DPYD: variants seen among roughly 807,000 people sequenced by gnomAD.
DPYD encodes the protein dihydropyrimidine dehydrogenase, also known as dihydropyrimidine dehydrogenase [NADP(+)].
In DPYD, 109 loss-of-function variants were observed where a neutral mutation model predicts 116.2. The observed-to-expected ratio is 0.94, with a 90% confidence interval of 0.80 to 1.10. The LOEUF is 1.10. Ranked by LOEUF, DPYD falls within the 50% of genes least tolerant of loss-of-function variation. The pLI, the probability that DPYD is intolerant of heterozygous loss-of-function variation, is 0.00. For synonymous variants in DPYD, 440 were observed against 432.0 expected (o/e 1.02, Z -0.23); for missense variants, 1,302 against 1,254.5 (o/e 1.04, Z -0.57).
chr1:97,592,187 GTA>G (rs907900064), intron 10 of DPYD, among the ~76,000 whole-genome samples: 1 of 152,158 alleles, frequency 6.6e-6, no homozygotes, highest in Admixed American at 6.6e-5. Flanking sequence ...ATTTAAATGA[GTA>G]ATTTATCTTT....
chr1:97,884,172 T>A (rs1571527667), intron 1 of DPYD, among the ~76,000 whole-genome samples: 1 of 152,038 alleles, frequency 6.6e-6, no homozygotes, highest in South Asian at 2.1e-4. Context: ...GAGTAATTGT[T>A]ATTGTATTTT....
intron 3 of DPYD, among the ~76,000 whole-genome samples, chr1:97,811,219 A>C (rs1668335122): frequency 1.3e-5 from 2 of 152,116 alleles, no homozygotes; most frequent in South Asian, 4.1e-4. Context: ...GAATTATCTT[A>C]GTTACAATTT....
chr1:97,601,245 C>A (rs941434677), intron 8 of DPYD, among the ~76,000 whole-genome samples: 1 of 151,916 alleles, frequency 6.6e-6, no homozygotes. Context: ...TAGAAAAGTG[C>A]ACATAAAGCA....
rs552742450 is a variant in DPYD, at chr1:97,213,270, T to C, written c.2443-20022A>G. Among the ~76,000 whole-genome samples the C allele has an allele frequency of 7.2e-4, 110 of 152,300 alleles. 1 individual carries two copies. Among genetic ancestry groups the C allele is most frequent in the South Asian group, 3.7e-3 (18 of 4,824 alleles). Reference sequence around the variant, plus strand: ...AACAATAACTATCTCACAGGATTACTGGAGGTATAAATAAATTATTACAAC... The same window carrying C: ...AACAATAACTATCTCACAGGATTACCGGAGGTATAAATAAATTATTACAAC... On this transcript the variant is annotated intron_variant, in intron 19 of 22. Coordinates refer to ENST00000370192, the MANE Select transcript of DPYD (RefSeq NM_000110.4).
intron 3 of DPYD, among the ~76,000 whole-genome samples, chr1:97,800,478 C>T (rs1667794091): frequency 6.6e-6 from 1 of 151,832 alleles, no homozygotes. Context: ...GCTCTCAACA[C>T]TGCACAGCAA....
rs188522107 is a variant in DPYD, at chr1:97,195,613, T to C, written c.2443-2365A>G. 3.0e-4 allele frequency among the ~76,000 whole-genome samples: 36 copies of C among 120,104 alleles called. 4 individuals carry two copies. The highest frequency in any genetic ancestry group is 1.1e-3 in the African/African-American group (35 of 31,814). The allele number at this position is 120,104 out of a possible 152,430, so 78.8% of individuals were successfully genotyped here. A position where few individuals can be genotyped will look rare whatever the true frequency, so the allele number is the denominator to read the frequency against. On this transcript the variant is annotated intron_variant, in intron 19 of 22. Coordinates refer to ENST00000370192, the MANE Select transcript of DPYD (RefSeq NM_000110.4). The stretch of plus-strand genomic sequence containing the variant: ...ATATATATGTGTGTGTGTGTATATA[T>C]ATGTATGTGTATATGTATGTGTATA...
chr1:97,913,230 A>C (rs9662870), intron 1 of DPYD, among the ~76,000 whole-genome samples: 109,021 of 152,014 alleles, frequency 0.72, 39,702 homozygotes, highest in East Asian at 0.93. Context: ...AGACATTAAA[A>C]AAGTTTAAAA....
chr1:97,886,450 C>T (rs1439236805), intron 1 of DPYD, among the ~76,000 whole-genome samples: 3 of 152,092 alleles, frequency 2.0e-5, no homozygotes, highest in African/African-American at 7.2e-5. Flanking sequence ...ATGCCAATAA[C>T]ACCAGGGCCC....
Position 97,204,767 on chromosome 1 carries a change from G to A in DPYD, c.2443-11519C>T, listed in dbSNP as rs183314964. Among the ~76,000 whole-genome samples, 527 of 152,094 alleles carry A rather than the reference G, an allele frequency of 3.5e-3. 3 individuals carry two copies. The highest frequency in any genetic ancestry group is 0.012 in the African/African-American group (486 of 41,514). ...TGTGGAATGCATTCCAAAATGCTCCGTCACTTTTGGTTTAGTTTAACATTC... is the reference window on the plus strand; with the variant it reads ...TGTGGAATGCATTCCAAAATGCTCCATCACTTTTGGTTTAGTTTAACATTC... On this transcript the variant is annotated intron_variant, in intron 19 of 22. Coordinates refer to ENST00000370192, the MANE Select transcript of DPYD (RefSeq NM_000110.4).
At chr1:97,827,948 G>A (rs1669319705) in intron 3 of DPYD, among the ~76,000 whole-genome samples, 166 bp downstream of exon 3, 1 of 152,110 alleles carries the variant, frequency 6.6e-6, no homozygotes, top group African/African-American at 2.4e-5. Context: ...CATTTATGCA[G>A]CTTCAAAACC....
intron 8 of DPYD, among the ~76,000 whole-genome samples, chr1:97,621,008 C>T (rs1010667638): frequency 6.6e-6 from 1 of 152,018 alleles, no homozygotes; most frequent in Admixed American, 6.6e-5. Context: ...CTGTACAAGC[C>T]TGTCTAATTT....
At chr1:97,300,574 C>A (rs577469403) in intron 18 of DPYD, among the ~76,000 whole-genome samples, 1 of 151,996 alleles carries the variant, frequency 6.6e-6, no homozygotes, top group Non-Finnish European at 1.5e-5. Context: ...TGCTGGCATG[C>A]GTGAAAATAG....
At chr1:97,368,432 G>A (rs1261069175) in intron 16 of DPYD, among the ~76,000 whole-genome samples, 1 of 152,134 alleles carries the variant, frequency 6.6e-6, no homozygotes, top group Non-Finnish European at 1.5e-5. Flanking sequence ...AGCAGCTTTA[G>A]GTTTTCTGAT....
rs185247377 is a variant in DPYD, at chr1:97,359,991, C to A, written c.2058+13570G>T. ...CTTAAATGTAAATGGGCTAAATGTT[C>A]CAATTAAAAGACATGGACTGGCAAA... On this transcript the variant is annotated intron_variant, in intron 16 of 22. Transcript: ENST00000370192. 1.1e-4 allele frequency among the ~76,000 whole-genome samples: 17 copies of A among 152,200 alleles called. No individual in the cohort carries two copies. The East Asian group carries it at 3.1e-3, about 28-fold the overall frequency.
chr1:97,867,179 A>G (rs148358115), intron 2 of DPYD, among the ~76,000 whole-genome samples: 43 of 151,920 alleles, frequency 2.8e-4, no homozygotes, highest in Admixed American at 7.9e-4. Context: ...AAACATAAAC[A>G]CAATAAATTT....
At chr1:97,796,345 C>CAG (rs1314626996) in intron 3 of DPYD, among the ~76,000 whole-genome samples, 51 of 152,212 alleles carry the variant, frequency 3.4e-4, no homozygotes, top group Middle Eastern at 3.4e-3. Context: ...TCACATTAAA[C>CAG]TGATCCTTCT....
intron 16 of DPYD, among the ~76,000 whole-genome samples, chr1:97,334,567 C>T (rs542137406): frequency 5.3e-5 from 8 of 152,106 alleles, no homozygotes; most frequent in Admixed American, 2.6e-4. Flanking sequence ...AGACAAAGTC[C>T]GAGTAATCAA....
intron 3 of DPYD, among the ~76,000 whole-genome samples, chr1:97,792,540 G>A (rs975018915): frequency 1.3e-5 from 2 of 152,028 alleles, no homozygotes; most frequent in African/African-American, 2.4e-5. Context: ...GTGAGCCACC[G>A]CGCCTGGCCG....
In DPYD at chr1:97,173,100, C is replaced by A. The variant is rs563447881; in HGVS notation, c.2622+19969G>T. On this transcript the variant is annotated intron_variant, in intron 20 of 22. Coordinates refer to ENST00000370192, the MANE Select transcript of DPYD (RefSeq NM_000110.4). Reference sequence around the variant, plus strand: ...GCGTCCGGCTTCCACTAATAAATATCTAAACCTCTTTAACCTCAGTTTTCA... The same window carrying A: ...GCGTCCGGCTTCCACTAATAAATATATAAACCTCTTTAACCTCAGTTTTCA... Among the ~76,000 whole-genome samples, 3 of 151,942 alleles carry A rather than the reference C, an allele frequency of 2.0e-5. No homozygotes were observed. In the South Asian group the frequency reaches 6.2e-4, roughly 31 times the overall value.
Sources: allele counts gnomAD v4.1 joint callset (sites outside exome capture counted in the v4.1 genomes callset), GRCh38; gene constraint gnomAD v4.1.1; transcripts MANE v1.5; gene names NCBI Gene and HGNC (gene_info 2026-07-23, HGNC 2026-07-21).